TMCC2: variants seen among roughly 807,000 people sequenced by gnomAD.
The protein encoded by TMCC2 is transmembrane and coiled-coil domain family 2, also known as transmembrane and coiled-coil domains protein 2.
In TMCC2, 16 loss-of-function variants were observed where a neutral mutation model predicts 49.4. The ratio of observed to expected loss-of-function variants is 0.32; its 90% CI spans 0.22 to 0.49. TMCC2 has a LOEUF of 0.49. Ranked by LOEUF, TMCC2 falls within the 20% of genes least tolerant of loss-of-function variation. TMCC2 has a pLI of 0.99. For missense variants in TMCC2, 762 were observed against 989.8 expected (o/e 0.77, Z 3.09); for synonymous variants, 397 against 434.1 (o/e 0.91, Z 1.06).
At chr1:205,240,404 C>T (rs1660220523) in intron 1 of TMCC2, among the ~76,000 whole-genome samples, 2 of 152,198 alleles carry the variant, frequency 1.3e-5, no homozygotes, top group African/African-American at 4.8e-5. Context: ...TGCTTTGGAT[C>T]TAAGGGGAAA....
At position 205,272,062 on chromosome 1, in the gene TMCC2, C is replaced by T; in HGVS notation, c.2068C>T (p.Leu690Phe). 1 of 1,614,224 alleles carries T rather than the reference C, an allele frequency of 6.2e-7. No homozygotes were observed. The change falls in exon 5 of 5, where the codon CTC (leucine) becomes TTC (phenylalanine). Residue 690 changes from leucine to phenylalanine, a missense_variant. Physicochemically the swap from Leu to Phe is conservative, Grantham distance 22. This residue lies in a region of TMCC2 where 440 missense variants were observed against 636.7 expected (regional missense o/e 0.69). Transcript: ENST00000358024. The part of the protein sequence containing the change: ...STTLLVLVLF[L>F]LWKHWDSLTY... Reference sequence around the variant, plus strand: ...CACCCTCCTGGTCCTCGTCCTGTTCCTCCTCTGGAAGCACTGGGACTCCCT... The same window carrying T: ...CACCCTCCTGGTCCTCGTCCTGTTCTTCCTCTGGAAGCACTGGGACTCCCT...
chr1:205,239,609 T>C (rs969588938), intron 1 of TMCC2, among the ~76,000 whole-genome samples: 2 of 152,186 alleles, frequency 1.3e-5, no homozygotes, highest in Non-Finnish European at 2.9e-5. Flanking sequence ...TTTGTTACTA[T>C]TTAGGAGAAT....
chr1:205,245,716 G>A (rs755308995), intron 2 of TMCC2, among the ~76,000 whole-genome samples: 3 of 152,084 alleles, frequency 2.0e-5, no homozygotes, highest in Non-Finnish European at 4.4e-5. Flanking sequence ...CTTTTCTAAC[G>A]TAGAAAGTGC....
At chr1:205,252,713 C>G (rs1660713395) in intron 2 of TMCC2, among the ~76,000 whole-genome samples, 1 of 152,106 alleles carries the variant, frequency 6.6e-6, no homozygotes, top group South Asian at 2.1e-4. Context: ...ACCTTGTATT[C>G]TAAGCTACTA....
At chr1:205,245,016 G>A (rs1215988450) in intron 2 of TMCC2, among the ~76,000 whole-genome samples, 1 of 152,198 alleles carries the variant, frequency 6.6e-6, no homozygotes, top group African/African-American at 2.4e-5. Context: ...AGTGGCAAGA[G>A]CTGAGAGGCT....
chr1:205,231,962 G>A (rs1009537284), intron 1 of TMCC2, among the ~76,000 whole-genome samples: 2 of 152,204 alleles, frequency 1.3e-5, no homozygotes, highest in South Asian at 4.1e-4. Flanking sequence ...TAATAATAAA[G>A]GACTCTGTGT....
rs539910315 is a variant in TMCC2 at position 205,229,349 on chromosome 1, C to T, written c.207+578C>T. On this transcript the variant is annotated intron_variant, in intron 1 of 4. Transcript: ENST00000358024. ...GATTACAGGCACCCGCCACCACGCC[C>T]GGGTAATTTTTGTATTTTTAGTAGA... Among the ~76,000 whole-genome samples, 545 of 151,878 alleles carry T rather than the reference C, an allele frequency of 3.6e-3. 4 individuals carry two copies. Among genetic ancestry groups the T allele is most frequent in the Non-Finnish European group, 5.9e-3 (403 of 67,918 alleles).
At chr1:205,261,218 T>G (rs1661100158) in intron 2 of TMCC2, among the ~76,000 whole-genome samples, 2 of 99,446 alleles carry the variant, frequency 2.0e-5, no homozygotes, top group African/African-American at 8.9e-5. Flanking sequence ...TTTTTTTTTT[T>G]GAAGCAGGGT....
chr1:205,256,275 G>T, intron 2 of TMCC2: 1 of 1,543,694 alleles, frequency 6.5e-7, no homozygotes, highest in Non-Finnish European at 8.7e-7. Flanking sequence ...GATCCAGCAG[G>T]CCCCAGGACT....
chr1:205,272,094 C>A lies in TMCC2; in HGVS notation c.2100C>A (p.Tyr700Ter), dbSNP rs1259224777. The A allele has an allele frequency of 1.2e-6, 2 of 1,613,570 alleles. No individual in the cohort carries two copies. Among genetic ancestry groups the A allele is most frequent in the Non-Finnish European group, 1.7e-6 (2 of 1,179,496 alleles). The change falls in exon 5 of 5, where the codon TAC becomes TAA. Residue 700 changes from tyrosine (Y) to a stop codon, truncating the protein, a stop_gained. Transcript: ENST00000358024. LOFTEE classifies it high-confidence loss of function. Reference protein sequence around the residue: ...LLWKHWDSLTYLLEHVLLPS With the variant: ...LLWKHWDSLT ...GGAAGCACTGGGACTCCCTCACCTA[C>A]CTCCTGGAGCACGTGTTGCTGCCCA...
intron 2 of TMCC2, among the ~76,000 whole-genome samples, chr1:205,266,611 A>C (rs1779412): frequency 0.29 from 39,294 of 135,198 alleles, 6,031 homozygotes; most frequent in Non-Finnish European, 0.38. Context: ...AAAAACAAAT[A>C]AAAAAAAAAA....
At chr1:205,240,215 G>A (rs887069461) in intron 1 of TMCC2, among the ~76,000 whole-genome samples, 5 of 152,218 alleles carry the variant, frequency 3.3e-5, no homozygotes, top group Non-Finnish European at 7.3e-5. Flanking sequence ...CAACCTGGCC[G>A]GATAAGCCGT....
intron 2 of TMCC2, chr1:205,256,302 G>A (rs1216714287): frequency 6.5e-7 from 1 of 1,549,102 alleles, no homozygotes; most frequent in Admixed American, 2.0e-5. Flanking sequence ...GCCAGCCGGT[G>A]ACACTGCTCA....
At position 205,231,005 on chromosome 1, in the gene TMCC2, C is replaced by A. The variant is rs999741076; in HGVS notation, c.207+2234C>A. ...TCCACCCCATCCCCCCATCCCCCCC[C>A]CCGCCCCCAGAGAAAACATACCATT... On this transcript the variant is annotated intron_variant, in intron 1 of 4. Transcript: ENST00000358024. Among the ~76,000 whole-genome samples, 80 of 131,130 alleles carry A rather than the reference C, an allele frequency of 6.1e-4. No individual in the cohort carries two copies. In the East Asian group the frequency reaches 7.3e-3, roughly 12 times the overall value. The allele number at this position is 131,130 out of a possible 152,430, so 86.0% of individuals were successfully genotyped here.
intron 2 of TMCC2, among the ~76,000 whole-genome samples, chr1:205,263,046 C>T (rs1661178887): frequency 6.6e-6 from 1 of 151,992 alleles, no homozygotes; most frequent in African/African-American, 2.4e-5. Flanking sequence ...TTGGTATCTC[C>T]CACAGAGTGT....
At chr1:205,256,149 C>T (rs770342660) in intron 2 of TMCC2, 315 of 1,339,224 alleles carry the variant, frequency 2.4e-4, no homozygotes, top group Non-Finnish European at 3.0e-4. Flanking sequence ...ACCCAATCAA[C>T]GTGACGCGTG....
chr1:205,256,461 C>T (rs1000619598), intron 2 of TMCC2: 7 of 1,525,134 alleles, frequency 4.6e-6, no homozygotes, highest in African/African-American at 2.8e-5. Flanking sequence ...TTTGCCAGGG[C>T]AATGCTGGCA....
intron 2 of TMCC2, among the ~76,000 whole-genome samples, chr1:205,249,414 CA>C (rs1212486774): frequency 3.3e-5 from 5 of 152,218 alleles, no homozygotes; most frequent in Non-Finnish European, 7.3e-5. Flanking sequence ...GGCAGCTGCC[CA>C]GGGGCCTTGG....
chr1:205,268,138 G>T (rs971797209), intron 2 of TMCC2: 1 of 943,450 alleles, frequency 1.1e-6, no homozygotes, highest in Non-Finnish European at 1.3e-6. Flanking sequence ...ATGGGGTGGC[G>T]AGGGCAGGCA....
Sources: allele counts gnomAD v4.1 joint callset (sites outside exome capture counted in the v4.1 genomes callset), GRCh38; gene constraint gnomAD v4.1.1; regional missense constraint gnomAD v4.1.1; transcripts MANE v1.5; gene names NCBI Gene and HGNC (gene_info 2026-07-23, HGNC 2026-07-21).